The following MSI2 variants were observed in gnomAD, a reference collection of about 807,000 sequenced individuals.
The protein encoded by MSI2 is musashi RNA binding protein 2.
Under a neutral mutation model 45.6 loss-of-function variants are expected in MSI2, and 17 were observed. That is an observed-to-expected ratio of 0.37 (90% CI 0.26 to 0.56). The LOEUF is 0.56. MSI2 is among the 20% of genes least tolerant of loss of function. The pLI is 0.77. For synonymous variants in MSI2, 156 were observed against 158.2 expected, an observed-to-expected ratio of 0.99 and a Z score of 0.11; for missense variants, 293 against 444.2, an observed-to-expected ratio of 0.66 and a Z score of 3.06.
At chr17:57,406,229 T>TGC (rs2084079087) in intron 6 of MSI2, among the ~76,000 whole-genome samples, 1 of 152,146 alleles carries the variant, frequency 6.6e-6, no homozygotes, top group African/African-American at 2.4e-5. Flanking sequence ...GCTCCAGATA[T>TGC]GCCCGTGTAG....
At chr17:57,346,281 T>G (rs544068905) in intron 5 of MSI2, among the ~76,000 whole-genome samples, 1 of 150,248 alleles carries the variant, frequency 6.7e-6, no homozygotes, top group East Asian at 2.0e-4. Context: ...TTAAAAAGTT[T>G]AACAGCGAAG....
chr17:57,574,497 C>T (rs969956272), intron 7 of MSI2, among the ~76,000 whole-genome samples: 1 of 152,180 alleles, frequency 6.6e-6, no homozygotes, highest in African/African-American at 2.4e-5. Context: ...CCACAGAGCC[C>T]AGGTCAAGGA....
chr17:57,340,589 G>C (rs1364699521), intron 5 of MSI2, among the ~76,000 whole-genome samples: 1 of 152,166 alleles, frequency 6.6e-6, no homozygotes, highest in East Asian at 1.9e-4. Context: ...AAATGTAGAG[G>C]ATCCCCATCA....
chr17:57,593,115 C>T (rs1170413262), intron 7 of MSI2, among the ~76,000 whole-genome samples: 3 of 152,158 alleles, frequency 2.0e-5, no homozygotes, highest in Non-Finnish European at 4.4e-5. Flanking sequence ...GTTCTTTCCC[C>T]ATAGCCAGGA....
At chr17:57,514,225 T>C (rs1432265140) in intron 6 of MSI2, among the ~76,000 whole-genome samples, 1 of 152,042 alleles carries the variant, frequency 6.6e-6, no homozygotes, top group Admixed American at 6.6e-5. Context: ...TTTTTTCTGC[T>C]TCAGAAAGCA....
chr17:57,627,412 A>G lies in MSI2; in HGVS notation c.727+109A>G. 4 of 950,418 alleles carry G rather than the reference A, an allele frequency of 4.2e-6. No individual in the cohort carries two copies. The highest frequency in any genetic ancestry group is 6.9e-6 in the Non-Finnish European group (4 of 582,176). 58.9% of individuals were successfully genotyped at this position (950,418 alleles called of 1,614,324 possible). On this transcript the variant is annotated intron_variant, in intron 10 of 13. Coordinates refer to ENST00000284073, the MANE Select transcript of MSI2 (RefSeq NM_138962.4). The surrounding 1 kb of genome is among the most constrained non-coding windows in gnomAD (Gnocchi z 4.6). ...TGCATTTCTTACATGCATCCACTTG[A>G]AAATGACCTATACATGATAAATTTC...
intron 5 of MSI2, chr17:57,286,144 T>G: frequency 1.7e-6 from 1 of 580,488 alleles, no homozygotes; most frequent in East Asian, 3.1e-5. Flanking sequence ...ATTTTTGGGA[T>G]TTTGAGAGAA....
At chr17:57,459,365 T>C (rs1380831207) in intron 6 of MSI2, among the ~76,000 whole-genome samples, 1 of 152,164 alleles carries the variant, frequency 6.6e-6, no homozygotes, top group Non-Finnish European at 1.5e-5. Flanking sequence ...AGTCGGACTT[T>C]CTAGAAAAAG....
chr17:57,431,762 T>A (rs2084598622), intron 6 of MSI2, among the ~76,000 whole-genome samples: 1 of 152,192 alleles, frequency 6.6e-6, no homozygotes, highest in Admixed American at 6.5e-5. Flanking sequence ...AGGGTGGGCC[T>A]CATTCCAGCT....
chr17:57,624,612 G>C (rs759563205), intron 9 of MSI2, among the ~76,000 whole-genome samples: 34 of 152,314 alleles, frequency 2.2e-4, no homozygotes, highest in Middle Eastern at 6.8e-3. Flanking sequence ...CGCTTGGGCA[G>C]GCTTCTGTCA....
chr17:57,358,200 G>GTGT (rs1567778446), intron 5 of MSI2, among the ~76,000 whole-genome samples: 12,651 of 41,818 alleles, frequency 0.3, 683 homozygotes, highest in Non-Finnish European at 0.38. Context: ...TGTGTGTGTG[G>GTGT]GGGGGTGTGT....
At chr17:57,386,979 G>A (rs1598201497) in intron 5 of MSI2, among the ~76,000 whole-genome samples, 1 of 152,194 alleles carries the variant, frequency 6.6e-6, no homozygotes, top group Admixed American at 6.5e-5. Flanking sequence ...AGGCAGAAGT[G>A]CCCTTCAGAG....
chr17:57,366,160 G>A (rs1598175038), intron 5 of MSI2, among the ~76,000 whole-genome samples: 1 of 152,094 alleles, frequency 6.6e-6, no homozygotes, highest in Non-Finnish European at 1.5e-5. Flanking sequence ...AGCCCCACCC[G>A]TTTCGGCCTC....
intron 6 of MSI2, among the ~76,000 whole-genome samples, chr17:57,526,229 A>AAAAAAAG (rs1040586117): frequency 1.1e-4 from 16 of 152,130 alleles, no homozygotes; most frequent in Admixed American, 9.8e-4. Flanking sequence ...TCTCAAAGGA[A>AAAAAAAG]AAAAAAGAAA....
chr17:57,373,060 C>T (rs1039164922), intron 5 of MSI2, among the ~76,000 whole-genome samples: 14 of 151,946 alleles, frequency 9.2e-5, no homozygotes, highest in African/African-American at 3.4e-4. Flanking sequence ...ACCAGCCTGG[C>T]CAACATAGTG....
intron 5 of MSI2, among the ~76,000 whole-genome samples, chr17:57,384,532 T>C (rs895347284): frequency 6.6e-6 from 1 of 152,246 alleles, no homozygotes; most frequent in Non-Finnish European, 1.5e-5. Context: ...TTGAAATTCA[T>C]GTTCATCCCT....
At chr17:57,308,488 G>A (rs963198549) in intron 5 of MSI2, among the ~76,000 whole-genome samples, 2 of 152,188 alleles carry the variant, frequency 1.3e-5, no homozygotes, top group African/African-American at 2.4e-5. Flanking sequence ...TGGCTTACCC[G>A]ACATTCAGTA....
chr17:57,520,954 T>C (rs1226179394), intron 6 of MSI2, among the ~76,000 whole-genome samples: 1 of 152,170 alleles, frequency 6.6e-6, no homozygotes, highest in African/African-American at 2.4e-5. Context: ...CGTGAGCCAC[T>C]GCCCCCAGCC....
At chr17:57,621,943 T>C (rs183876768) in intron 9 of MSI2, among the ~76,000 whole-genome samples, 22 of 152,298 alleles carry the variant, frequency 1.4e-4, no homozygotes, top group Non-Finnish European at 2.9e-4. Flanking sequence ...CAGTGGCTCA[T>C]GCCTCTACTC....
Sources: allele counts gnomAD v4.1 joint callset (sites outside exome capture counted in the v4.1 genomes callset), GRCh38; gene constraint gnomAD v4.1.1; non-coding constraint Gnocchi (gnomAD v3.1); transcripts MANE v1.5; gene names NCBI Gene and HGNC (gene_info 2026-07-23, HGNC 2026-07-21).